Variants in ZNF106 observed in about 807,000 individuals in gnomAD.
ZNF106 encodes SH3-domain binding protein 3.
In ZNF106, 67 loss-of-function variants were observed where a neutral mutation model predicts 195.1. The ratio of observed to expected loss-of-function variants is 0.34; its 90% CI spans 0.28 to 0.42. ZNF106 has a LOEUF of 0.42. Among genes scored for constraint, ZNF106 ranks in the 10% least tolerant of loss-of-function variants. The pLI, the probability that ZNF106 is intolerant of heterozygous loss-of-function variation, is 1.00. For synonymous variants in ZNF106, 784 were observed against 818.6 expected, an observed-to-expected ratio of 0.96 and a Z score of 0.72; for missense variants, 2,118 against 2,304.5, an observed-to-expected ratio of 0.92 and a Z score of 1.66.
At chr15:42,482,671 G>C (rs1321045133) in intron 1 of ZNF106, among the ~76,000 whole-genome samples, 1 of 151,896 alleles carries the variant, frequency 6.6e-6, no homozygotes, top group African/African-American at 2.4e-5. Context: ...TGGGATTACA[G>C]GCATGTGCCA....
chr15:42,444,575 A>ACCCGTTTCTTGCTGT (rs58225362), intron 8 of ZNF106, among the ~76,000 whole-genome samples: 1 of 151,950 alleles, frequency 6.6e-6, no homozygotes, highest in South Asian at 2.1e-4. Context: ...TAGGGAGAAC[A>ACCCGTTTCTTGCTGT]CCCTTGTGGG....
intron 3 of ZNF106, among the ~76,000 whole-genome samples, chr15:42,464,996 C>T (rs904965461): frequency 6.6e-6 from 1 of 152,170 alleles, no homozygotes; most frequent in Non-Finnish European, 1.5e-5. Flanking sequence ...TCCCTAGCTA[C>T]GTGGAACTCT....
Position 42,414,051 on chromosome 15 carries a change from A to G in ZNF106, c.*3253T>C, listed in dbSNP as rs1315118790. Reference sequence around the variant, plus strand: ...TTCTTGGCTTTAAGCCATTAGAATTAGACAAAAGCAACCGAGAGTAACATT... The same window carrying G: ...TTCTTGGCTTTAAGCCATTAGAATTGGACAAAAGCAACCGAGAGTAACATT... On this transcript the variant is annotated 3_prime_UTR_variant, in exon 22 of 22. Transcript: ENST00000564754. The G allele has an allele frequency of 6.6e-6, 1 of 152,268 alleles. No homozygotes were observed. Among genetic ancestry groups the G allele is most frequent in the African/African-American group, 2.4e-5 (1 of 41,468 alleles). 9.4% of individuals were successfully genotyped at this position (152,268 alleles called of 1,614,324 possible).
intron 2 of ZNF106, among the ~76,000 whole-genome samples, chr15:42,469,458 G>GCAAAATTTACA (rs2056613544): frequency 1.3e-5 from 2 of 151,946 alleles, no homozygotes; most frequent in Non-Finnish European, 2.9e-5. Flanking sequence ...CACTAATCTT[G>GCAAAATTTACA]TCCTAAATTT....
At chr15:42,465,477 A>G (rs1482289572) in intron 3 of ZNF106, among the ~76,000 whole-genome samples, 1 of 151,780 alleles carries the variant, frequency 6.6e-6, no homozygotes, top group Non-Finnish European at 1.5e-5. Flanking sequence ...AGGTCTTTCT[A>G]CGTTGCCCAG....
chr15:42,456,145 G>C (rs2056217803), intron 4 of ZNF106, among the ~76,000 whole-genome samples: 2 of 152,172 alleles, frequency 1.3e-5, no homozygotes, highest in South Asian at 4.1e-4. Context: ...AAATTTGGCA[G>C]AAGCAACACG....
At position 42,442,614 on chromosome 15, in the gene ZNF106, CT is replaced by C. The variant is rs1209709879; in HGVS notation, c.3422-201del. ...TACAGAGAGAATAGGCATCAACATTCTTTTTTTTTTTTTTTTTTTTGAGATA... is the reference window on the plus strand; with the variant it reads ...TACAGAGAGAATAGGCATCAACATTCTTTTTTTTTTTTTTTTTTTGAGATA... On this transcript the variant is annotated intron_variant, in intron 9 of 21. Transcript: ENST00000564754. Among the ~76,000 whole-genome samples the C allele has an allele frequency of 2.4e-3, 291 of 123,606 alleles. 1 individual carries two copies. Among genetic ancestry groups the C allele is most frequent in the South Asian group, 0.012 (46 of 3,832 alleles). 81.1% of individuals were successfully genotyped at this position (123,606 alleles called of 152,430 possible).
At chr15:42,452,868 T>C (rs1024883830) in intron 4 of ZNF106, among the ~76,000 whole-genome samples, 4 of 151,868 alleles carry the variant, frequency 2.6e-5, no homozygotes, top group Non-Finnish European at 5.9e-5. Flanking sequence ...GTATTTTTAG[T>C]AGAGACGGGG....
Position 42,417,854 on chromosome 15 carries a change from C to T in ZNF106, c.5615G>A (p.Arg1872His), listed in dbSNP as rs376297330. The T allele has an allele frequency of 1.5e-5, 24 of 1,613,824 alleles. No homozygotes were observed. The highest frequency in any genetic ancestry group is 2.7e-5 in the African/African-American group (2 of 74,886). Reference protein sequence around the residue: ...TNPNFQTLKCRWKNCDAFFTA... With the variant: ...TNPNFQTLKCHWKNCDAFFTA... ...GAAAAAAGCATCGCAGTTCTTCCAGCGACATTTCAGAGTCTGGAAGTTGGG... is the reference window on the plus strand; with the variant it reads ...GAAAAAAGCATCGCAGTTCTTCCAGTGACATTTCAGAGTCTGGAAGTTGGG... The change falls in exon 21 of 22, where the codon CGC (arginine) becomes CAC (histidine). Residue 1872 changes from arginine to histidine, a missense_variant. By Grantham distance (29) the Arg-to-His change is conservative. Coordinates refer to ENST00000564754, the MANE Select transcript of ZNF106 (RefSeq NM_001366845.3).
Position 42,448,456 on chromosome 15 carries a change from A to C in ZNF106, c.2751T>G (p.Pro917=). The change falls in exon 6 of 22, where the codon CCT becomes CCG. Residue 917 remains proline (P), a synonymous_variant. Transcript: ENST00000564754. The part of the protein sequence containing the change: ...KENEPQQMVS[P]SNSLRAGQSQ... ...TCTGTCCAGCCCTCAATGAGTTACTAGGTGAAACCATCTGCTGGGGCTCAT... is the reference window on the plus strand; with the variant it reads ...TCTGTCCAGCCCTCAATGAGTTACTCGGTGAAACCATCTGCTGGGGCTCAT... 6.2e-7 allele frequency: 1 copy of C among 1,614,112 alleles called. No homozygotes were observed. The highest frequency in any genetic ancestry group is 8.5e-7 in the Non-Finnish European group (1 of 1,180,012).
chr15:42,471,279 T>C (rs1203701572), intron 2 of ZNF106, among the ~76,000 whole-genome samples: 1 of 152,168 alleles, frequency 6.6e-6, no homozygotes, highest in Non-Finnish European at 1.5e-5. Flanking sequence ...CCCATGATCC[T>C]CCCAGTTCTC....
At chr15:42,489,441 T>C (rs2057090926) in intron 1 of ZNF106, among the ~76,000 whole-genome samples, 1 of 151,822 alleles carries the variant, frequency 6.6e-6, no homozygotes. Context: ...CCTCCCAGAG[T>C]GCTGGGATTA....
rs573716905 is a variant in ZNF106, at chr15:42,414,319, C to G, written c.*2985G>C. On this transcript the variant is annotated 3_prime_UTR_variant, in exon 22 of 22. Transcript: ENST00000564754. ...AGTAGTAACACACAGCCATAAGCAG[C>G]CAAAATGCTTATGGTCCCTTTATTT... 2 of 152,216 alleles carry G rather than the reference C, an allele frequency of 1.3e-5. No individual in the cohort carries two copies. The highest frequency in any genetic ancestry group is 3.9e-4 in the East Asian group (2 of 5,184). The allele number at this position is 152,216 out of a possible 1,614,324, so 9.4% of individuals were successfully genotyped here. A position where few individuals can be genotyped will look rare whatever the true frequency, so the allele number is the denominator to read the frequency against.
chr15:42,456,382 C>T (rs1045626987), intron 4 of ZNF106, among the ~76,000 whole-genome samples: 1 of 152,144 alleles, frequency 6.6e-6, no homozygotes, highest in Non-Finnish European at 1.5e-5. Context: ...GGTACGGTGG[C>T]TCACGCCTGT....
At chr15:42,437,902 C>CAAAAAA (rs35756160) in intron 12 of ZNF106, among the ~76,000 whole-genome samples, 1 of 81,072 alleles carries the variant, frequency 1.2e-5, no homozygotes. Context: ...GACTCCGTCT[C>CAAAAAA]AAAAAAAAAA....
chr15:42,445,905 C>T (rs2055752987), intron 7 of ZNF106, among the ~76,000 whole-genome samples: 1 of 152,154 alleles, frequency 6.6e-6, no homozygotes, highest in Admixed American at 6.5e-5. Flanking sequence ...AACTTCTTTC[C>T]ATAATTCACT....
In ZNF106 at chr15:42,451,011, G is replaced by A. The variant is rs201738274; in HGVS notation, c.1261C>T (p.Arg421Cys). The A allele has an allele frequency of 5.0e-5, 80 of 1,614,048 alleles. No individual in the cohort carries two copies. The highest frequency in any genetic ancestry group is 6.3e-5 in the Non-Finnish European group (74 of 1,180,042). ...TGTGTTTTCTGTGTTGGGGAATTACGTGTTTCATCAGTTTGGGGCTCCTGT... is the reference window on the plus strand; with the variant it reads ...TGTGTTTTCTGTGTTGGGGAATTACATGTTTCATCAGTTTGGGGCTCCTGT... ...GIQEPQTDET[R>C]NSPTQKTQKE... The change falls in exon 5 of 22, where the codon CGT becomes TGT. Residue 421 changes from arginine to cysteine, a missense_variant. By Grantham distance (180) the Arg-to-Cys change is radical. Transcript: ENST00000564754.
At chr15:42,456,787 A>G (rs1415130803) in intron 4 of ZNF106, among the ~76,000 whole-genome samples, 171 bp downstream of exon 4, 1 of 152,206 alleles carries the variant, frequency 6.6e-6, no homozygotes. Flanking sequence ...AGAAGATATT[A>G]CAGTAGTTCA....
chr15:42,487,287 T>C (rs2057038166), intron 1 of ZNF106, among the ~76,000 whole-genome samples: 1 of 151,838 alleles, frequency 6.6e-6, no homozygotes, highest in Non-Finnish European at 1.5e-5. Context: ...TTCAACACCA[T>C]TCTGGGTGAC....
Sources: gnomAD v4.1 joint callset for allele counts (sites outside exome capture counted in the v4.1 genomes callset) on GRCh38, gnomAD v4.1.1 for gene constraint, MANE v1.5 for transcripts, NCBI Gene and HGNC (gene_info 2026-07-23, HGNC 2026-07-21) for gene names.